Variants in RBFOX1 observed in about 807,000 individuals in gnomAD.
The protein encoded by RBFOX1 is RNA binding protein fox-1 homolog 1.
RBFOX1 carries 8 observed loss-of-function variants against 57.7 expected under a neutral mutation model. The ratio of observed to expected loss-of-function variants is 0.14; its 90% confidence interval spans 0.08 to 0.25. RBFOX1 has a LOEUF of 0.25. Among genes scored for constraint, RBFOX1 ranks in the 10% least tolerant of loss-of-function variants. RBFOX1 has a pLI of 1.00. For synonymous variants in RBFOX1, 326 were observed against 222.4 expected (o/e 1.47, Z -4.15); for missense variants, 611 against 548.5 (o/e 1.11, Z -1.14).
At chr16:7,585,400 G>T (rs2094050886) in intron 6 of RBFOX1, among the ~76,000 whole-genome samples, 1 of 152,198 alleles carries the variant, frequency 6.6e-6, no homozygotes, top group Non-Finnish European at 1.5e-5. Flanking sequence ...TGAGTAAGCT[G>T]CACGTTTGTT....
chr16:5,778,816 C>T (rs780146844), intron 3 of RBFOX1, among the ~76,000 whole-genome samples: 15 of 152,286 alleles, frequency 9.8e-5, no homozygotes, highest in African/African-American at 3.6e-4. Context: ...AAAAGTTACA[C>T]GTCCTCTTGG....
chr16:5,483,283 C>G (rs973706825), intron 2 of RBFOX1, among the ~76,000 whole-genome samples: 5 of 152,204 alleles, frequency 3.3e-5, no homozygotes, highest in African/African-American at 1.2e-4. Flanking sequence ...GCACGTACTC[C>G]CACTTCATGC....
intron 3 of RBFOX1, among the ~76,000 whole-genome samples, chr16:6,841,000 C>T (rs570935297): frequency 9.9e-5 from 15 of 152,048 alleles, no homozygotes; most frequent in Non-Finnish European, 1.2e-4. Context: ...GACACTGAAT[C>T]TGCCAGCACC....
chr16:7,458,160 C>T (rs932117357), intron 4 of RBFOX1, among the ~76,000 whole-genome samples: 1 of 152,152 alleles, frequency 6.6e-6, no homozygotes, highest in Non-Finnish European at 1.5e-5. Context: ...TGGTGTGCAC[C>T]ACACGTCTAT....
intron 3 of RBFOX1, among the ~76,000 whole-genome samples, chr16:6,734,319 A>G (rs1447947129): frequency 6.6e-6 from 1 of 152,212 alleles, no homozygotes. Flanking sequence ...TTCAGAAGGC[A>G]AAAAGACTAT....
intron 1 of RBFOX1, among the ~76,000 whole-genome samples, chr16:6,286,863 A>G (rs888475878): frequency 2.0e-5 from 3 of 152,182 alleles, no homozygotes; most frequent in East Asian, 3.9e-4. Flanking sequence ...TCCCTGCACT[A>G]GAATGCAACA....
intron 4 of RBFOX1, among the ~76,000 whole-genome samples, chr16:7,451,878 G>C (rs1197540927): frequency 6.6e-6 from 1 of 152,126 alleles, no homozygotes; most frequent in East Asian, 1.9e-4. Context: ...CATTTAAGCA[G>C]CAGAAGCTCT....
chr16:6,738,968 G>A (rs1185443191), intron 3 of RBFOX1, among the ~76,000 whole-genome samples: 1 of 152,154 alleles, frequency 6.6e-6, no homozygotes, highest in South Asian at 2.1e-4. Context: ...GTATCAAAAT[G>A]TGTGTGTCGC....
intron 4 of RBFOX1, among the ~76,000 whole-genome samples, chr16:7,089,279 G>A (rs2060450451): frequency 6.6e-6 from 1 of 152,138 alleles, no homozygotes; most frequent in South Asian, 2.1e-4. Context: ...AAAATCACTA[G>A]TTAAAACTGC....
At chr16:6,911,809 T>C (rs1001756011) in intron 3 of RBFOX1, among the ~76,000 whole-genome samples, 4 of 152,230 alleles carry the variant, frequency 2.6e-5, no homozygotes, top group Admixed American at 1.3e-4. Context: ...TTTCTTCTTT[T>C]TCAGTAAATG....
rs190927985 is a variant in RBFOX1 at position 6,928,220 on chromosome 16, C to T, written c.-15-123837C>T. ...AAGATTGATGTCTGGGTACTGCCCC[C>T]GAAGATTCTGATTTAATTGGTCTGA... On this transcript the variant is annotated intron_variant, in intron 3 of 15. Transcript: ENST00000550418. Among the ~76,000 whole-genome samples, 550 of 152,206 alleles carry T rather than the reference C, an allele frequency of 3.6e-3. 5 individuals are homozygous for T. Among genetic ancestry groups the T allele is most frequent in the African/African-American group, 0.013 (529 of 41,550 alleles).
chr16:6,019,412 G>C lies in RBFOX1; in HGVS notation c.-707G>C. The C allele has an allele frequency of 1.0e-6, 1 of 986,958 alleles. No individual in the cohort carries two copies. The allele number at this position is 986,958 out of a possible 1,614,324, so 61.1% of individuals were successfully genotyped here. A position where few individuals can be genotyped will look rare whatever the true frequency, so the allele number is the denominator to read the frequency against. On this transcript the variant is annotated 5_prime_UTR_variant, in exon 1 of 16. Transcript: ENST00000550418. The surrounding 1 kb of genome is among the most constrained non-coding windows in gnomAD (Gnocchi z 4.2). ...TCTCCAAGCAGCGCGGAGGGTGGCG[G>C]ACGGCGGACGGAGCCCAGGGGCCGC...
intron 4 of RBFOX1, among the ~76,000 whole-genome samples, chr16:7,166,658 G>T (rs2079564331): frequency 6.6e-6 from 1 of 152,082 alleles, no homozygotes; most frequent in Non-Finnish European, 1.5e-5. Flanking sequence ...GTGAGGAAGG[G>T]GTGAGTGTAA....
chr16:6,984,976 A>G (rs960429429), intron 3 of RBFOX1, among the ~76,000 whole-genome samples: 1 of 152,128 alleles, frequency 6.6e-6, no homozygotes, highest in Non-Finnish European at 1.5e-5. Context: ...AAGGAAAGTG[A>G]AAAATCAGGA....
At chr16:6,567,179 A>C (rs1206736681) in intron 2 of RBFOX1, among the ~76,000 whole-genome samples, 1 of 152,194 alleles carries the variant, frequency 6.6e-6, no homozygotes, top group Non-Finnish European at 1.5e-5. Context: ...GTTTCAAAGC[A>C]GTACCAAGCA....
intron 4 of RBFOX1, among the ~76,000 whole-genome samples, chr16:7,183,294 T>G (rs775718375): frequency 6.6e-6 from 1 of 152,156 alleles, no homozygotes; most frequent in Non-Finnish European, 1.5e-5. Context: ...AAGTGTATCG[T>G]GCTTGTCAAT....
At chr16:6,835,710 A>G (rs1011519529) in intron 3 of RBFOX1, among the ~76,000 whole-genome samples, 7 of 140,700 alleles carry the variant, frequency 5.0e-5, no homozygotes, top group Admixed American at 2.3e-4. Flanking sequence ...ACCAAGATTG[A>G]GTCATTGCAC....
At chr16:6,178,262 C>T (rs772100570) in intron 1 of RBFOX1, among the ~76,000 whole-genome samples, 1 of 133,832 alleles carries the variant, frequency 7.5e-6, no homozygotes, top group African/African-American at 2.8e-5. Flanking sequence ...TCTCGGTTCA[C>T]TGCAACCTCT....
intron 1 of RBFOX1, among the ~76,000 whole-genome samples, chr16:5,322,955 C>A (rs1305561101): frequency 1.3e-5 from 2 of 152,102 alleles, no homozygotes; most frequent in Admixed American, 6.6e-5. Flanking sequence ...AGTCTGAGGT[C>A]CTGGGGGCAT....
Sources: gnomAD v4.1 joint callset for allele counts (sites outside exome capture counted in the v4.1 genomes callset) on GRCh38, gnomAD v4.1.1 for gene constraint, Gnocchi (gnomAD v3.1) non-coding constraint, MANE v1.5 for transcripts, NCBI Gene and HGNC (gene_info 2026-07-23, HGNC 2026-07-21) for gene names.